The following WNT3 variants were observed in gnomAD, a reference collection of about 807,000 sequenced individuals.
The protein encoded by WNT3 is proto-oncogene Wnt-3.
WNT3 carries 7 observed loss-of-function variants against 34.2 expected under a neutral mutation model. The observed-to-expected ratio is 0.20, with a 90% CI of 0.12 to 0.38. The LOEUF (loss-of-function observed/expected upper bound fraction) is 0.38, where lower values mean the gene tolerates loss of function less well. Ranked by LOEUF, WNT3 falls within the 10% of genes least tolerant of loss-of-function variation. The pLI is 1.00. For missense variants in WNT3, 267 were observed against 499.8 expected (o/e 0.53, Z 4.44); for synonymous variants, 212 against 211.5 (o/e 1.00, Z -0.02).
intron 1 of WNT3, among the ~76,000 whole-genome samples, chr17:46,794,875 C>T (rs963162811): frequency 2.0e-5 from 3 of 151,712 alleles, no homozygotes; most frequent in African/African-American, 4.8e-5. Context: ...CTCAGCCTTC[C>T]GAGTAGCTGG....
intron 1 of WNT3, among the ~76,000 whole-genome samples, chr17:46,811,457 G>A (rs1049644822): frequency 1.3e-5 from 2 of 152,314 alleles, no homozygotes; most frequent in East Asian, 3.9e-4. Context: ...TTGTGCACCT[G>A]GGGTAGCCAC....
chr17:46,770,156 G>C, intron 2 of WNT3, 108 bp from the exon 3 acceptor site: 1 of 1,403,160 alleles, frequency 7.1e-7, no homozygotes, highest in Non-Finnish European at 9.4e-7. Flanking sequence ...AGGAAGAGTT[G>C]AAGAGCTCAC....
intron 1 of WNT3, among the ~76,000 whole-genome samples, chr17:46,800,297 G>C (rs1216239102): frequency 6.6e-6 from 1 of 152,118 alleles, no homozygotes; most frequent in Non-Finnish European, 1.5e-5. Context: ...TTTTAGTAGA[G>C]ACGGGGTTTC....
chr17:46,784,440 G>A (rs750949436), intron 1 of WNT3, among the ~76,000 whole-genome samples: 2 of 152,016 alleles, frequency 1.3e-5, no homozygotes, highest in Non-Finnish European at 2.9e-5. Flanking sequence ...TATACTTTAG[G>A]CCCCATCTTG....
At position 46,810,298 on chromosome 17, in the gene WNT3, T is replaced by C. The variant is rs534124489; in HGVS notation, c.80+8220A>G. 6.9e-4 allele frequency among the ~76,000 whole-genome samples: 105 copies of C among 152,270 alleles called. 1 individual carries two copies. The highest frequency in any genetic ancestry group is 2.0e-3 in the African/African-American group (84 of 41,556). On this transcript the variant is annotated intron_variant, in intron 1 of 4. Coordinates refer to ENST00000225512, the MANE Select transcript of WNT3 (RefSeq NM_030753.5). ...GCTGGGATTACAGGCGTAAGCCCCA[T>C]GCCCAGCCTTCTTATTCCTCTTTTC...
intron 2 of WNT3, among the ~76,000 whole-genome samples, chr17:46,771,783 GCGCC>G (rs1334146951): frequency 1.4e-5 from 2 of 141,036 alleles, no homozygotes; most frequent in Non-Finnish European, 3.1e-5. Context: ...GCGCCGCGCC[GCGCC>G]GAATGGCCAG....
rs1472089256 is a variant in WNT3, at chr17:46,768,920, G to A, written c.589-121C>T. The A allele has an allele frequency of 7.0e-7, 1 of 1,433,800 alleles. No homozygotes were observed. The allele number at this position is 1,433,800 out of a possible 1,614,324, so 88.8% of individuals were successfully genotyped here. A position where few individuals can be genotyped will look rare whatever the true frequency, so the allele number is the denominator to read the frequency against. On this transcript the variant is annotated intron_variant, in intron 3 of 4. Transcript: ENST00000225512. This position sits in a 1 kb window ranked among gnomAD's most constrained non-coding sequence, Gnocchi z 5.0. Reference sequence around the variant, plus strand: ...AGCCTTCTCTACTCCTCTGTGACAGGAAGAGAACTGATGGGGACTGAGGCA... The same window carrying A: ...AGCCTTCTCTACTCCTCTGTGACAGAAAGAGAACTGATGGGGACTGAGGCA...
intron 2 of WNT3, 38 bp from the exon 3 acceptor site, chr17:46,770,086 G>C (rs1201314396): frequency 6.6e-7 from 1 of 1,508,784 alleles, no homozygotes; most frequent in Non-Finnish European, 8.8e-7. Flanking sequence ...CTCAGGACCC[G>C]GCCTGGGAGC....
At chr17:46,774,055 G>A (rs368789415) in intron 1 of WNT3, 146 bp from the exon 2 acceptor site, 21 of 1,218,196 alleles carry the variant, frequency 1.7e-5, no homozygotes, top group Admixed American at 4.2e-5. Context: ...CTTTGACCTC[G>A]GGAGCATGCC....
chr17:46,786,412 G>A (rs1382246129), intron 1 of WNT3, among the ~76,000 whole-genome samples: 1 of 152,230 alleles, frequency 6.6e-6, no homozygotes, highest in South Asian at 2.1e-4. Context: ...TTCAGGCAGG[G>A]GATTCACAGG....
intron 1 of WNT3, among the ~76,000 whole-genome samples, chr17:46,785,692 T>C (rs532132250): frequency 2.0e-5 from 3 of 152,226 alleles, no homozygotes; most frequent in East Asian, 3.9e-4. Context: ...AGGACCATGG[T>C]TCTGGGCAGC....
intron 1 of WNT3, among the ~76,000 whole-genome samples, chr17:46,782,012 C>T (rs1238120369): frequency 6.6e-6 from 1 of 152,114 alleles, no homozygotes; most frequent in Non-Finnish European, 1.5e-5. Context: ...GGGCTGGGCA[C>T]AAAAAGGACC....
intron 1 of WNT3, among the ~76,000 whole-genome samples, chr17:46,811,321 G>A (rs2084272247): frequency 1.3e-5 from 2 of 152,196 alleles, no homozygotes; most frequent in African/African-American, 4.8e-5. Flanking sequence ...AGCAGGTATG[G>A]AAACAGAATG....
At chr17:46,773,622 C>CGG (rs2146385317) in intron 2 of WNT3, 46 bp downstream of exon 2, 5 of 506,094 alleles carry the variant, frequency 9.9e-6, no homozygotes, top group Non-Finnish European at 1.8e-5. Context: ...GTCCTGATCC[C>CGG]TCCCCCCACC....
chr17:46,769,632 T>G (rs117722789), intron 3 of WNT3, 151 bp downstream of exon 3: 2 of 960,152 alleles, frequency 2.1e-6, no homozygotes, highest in Non-Finnish European at 3.1e-6. Flanking sequence ...GAAGTGGCTG[T>G]GGGGTGGGGA....
chr17:46,777,772 G>A (rs2059424013), intron 1 of WNT3, among the ~76,000 whole-genome samples: 1 of 152,244 alleles, frequency 6.6e-6, no homozygotes, highest in African/African-American at 2.4e-5. Flanking sequence ...GGCGACTTAT[G>A]CAAGGAAGTG....
At chr17:46,772,166 G>A (rs1006516836) in intron 2 of WNT3, among the ~76,000 whole-genome samples, 3 of 152,330 alleles carry the variant, frequency 2.0e-5, no homozygotes, top group Non-Finnish European at 1.5e-5. Context: ...TCTGGGCACC[G>A]ACCGGGGCGC....
chr17:46,798,754 A>G (rs2084085593), intron 1 of WNT3, among the ~76,000 whole-genome samples: 1 of 152,200 alleles, frequency 6.6e-6, no homozygotes, highest in African/African-American at 2.4e-5. Flanking sequence ...GAACCCCCAT[A>G]AAAATCCCTG....
intron 1 of WNT3, among the ~76,000 whole-genome samples, chr17:46,785,033 T>C (rs1033786766): frequency 6.6e-6 from 1 of 152,116 alleles, no homozygotes; most frequent in Non-Finnish European, 1.5e-5. Flanking sequence ...CGCCTTGGCC[T>C]CCCAAAGTGC....
Sources: gnomAD v4.1 joint callset for allele counts (sites outside exome capture counted in the v4.1 genomes callset) on GRCh38, gnomAD v4.1.1 for gene constraint, Gnocchi (gnomAD v3.1) non-coding constraint, MANE v1.5 for transcripts, NCBI Gene and HGNC (gene_info 2026-07-23, HGNC 2026-07-21) for gene names.